Variants in SARM1 observed in about 807,000 individuals in gnomAD.
SARM1 encodes the protein NAD(+) hydrolase SARM1.
Under a neutral mutation model 65.1 loss-of-function variants are expected in SARM1, and 60 were observed. The ratio of observed to expected loss-of-function variants is 0.92; its 90% CI spans 0.75 to 1.14. SARM1 has a LOEUF of 1.14. Among genes scored for constraint, SARM1 ranks in the 50% most tolerant of loss-of-function variants. The pLI is 0.00. For synonymous variants in SARM1, 417 were observed against 465.4 expected, an observed-to-expected ratio of 0.90 and a Z score of 1.34; for missense variants, 913 against 1,015.7, an observed-to-expected ratio of 0.90 and a Z score of 1.37.
chr17:28,373,363 G>A (rs1269059753), intron 1 of SARM1: 1 of 152,282 alleles, frequency 6.6e-6, no homozygotes, highest in African/African-American at 2.4e-5. Context: ...CCAGTCTCAT[G>A]CTGAAGTCTC....
chr17:28,379,643 G>C (rs1271276953), intron 1 of SARM1, among the ~76,000 whole-genome samples: 2 of 152,098 alleles, frequency 1.3e-5, no homozygotes, highest in African/African-American at 2.4e-5. Flanking sequence ...GACAGATAAG[G>C]TTTCTGGTCT....
chr17:28,396,361 A>G lies in SARM1; in HGVS notation c.*75A>G. 6.3e-7 allele frequency: 1 copy of G among 1,579,990 alleles called. No homozygotes were observed. Among genetic ancestry groups the G allele is most frequent in the Non-Finnish European group, 8.7e-7 (1 of 1,155,336 alleles). ...TTCTGAAGGAACAGCTCCTGAAACC[A>G]GTCTCCCTGGGCTGAGACAACCTGG... On this transcript the variant is annotated 3_prime_UTR_variant, in exon 9 of 9. Transcript: ENST00000585482.
Position 28,384,925 on chromosome 17 carries a change from C to T in SARM1, c.1389C>T (p.Arg463=). Residue 463 remains arginine (R), a synonymous_variant, in exon 4 of 9, where the codon CGC becomes CGT. Coordinates refer to ENST00000585482, the MANE Select transcript of SARM1 (RefSeq NM_015077.4). This position sits in a 1 kb window ranked among gnomAD's most constrained non-coding sequence, Gnocchi z 4.4. ...TDLGMKSGIT[R]KRFFRELTEL... Reference sequence around the variant, plus strand: ...TGGGCATGAAATCGGGCATCACCCGCAAGAGGTACGGAGCCTCCTGCCCGC... The same window carrying T: ...TGGGCATGAAATCGGGCATCACCCGTAAGAGGTACGGAGCCTCCTGCCCGC... 1.3e-6 allele frequency: 2 copies of T among 1,568,174 alleles called. No individual in the cohort carries two copies. The highest frequency in any genetic ancestry group is 1.7e-6 in the Non-Finnish European group (2 of 1,156,582).
At position 28,403,097 on chromosome 17, in the gene SARM1, G is replaced by A. The variant is rs1413006575; in HGVS notation, c.*6811G>A. 3 of 152,332 alleles carry A rather than the reference G, an allele frequency of 2.0e-5. No homozygotes were observed. Among genetic ancestry groups the A allele is most frequent in the Non-Finnish European group, 2.9e-5 (2 of 68,118 alleles). 9.4% of individuals were successfully genotyped at this position (152,332 alleles called of 1,614,324 possible). A position where few individuals can be genotyped will look rare whatever the true frequency, so the allele number is the denominator to read the frequency against. On this transcript the variant is annotated 3_prime_UTR_variant, in exon 9 of 9. Coordinates refer to ENST00000585482, the MANE Select transcript of SARM1 (RefSeq NM_015077.4). ...CAGCCCCAGAAGCTGGAAGAAATGA[G>A]AAACACGTTCTCTCCTGGAGGCTTG...
Position 28,399,925 on chromosome 17 carries a change from G to A in SARM1, c.*3639G>A. The A allele has an allele frequency of 1.8e-6, 1 of 555,094 alleles. No homozygotes were observed. The highest frequency in any genetic ancestry group is 2.0e-5 in the South Asian group (1 of 49,766). The allele number at this position is 555,094 out of a possible 1,614,324, so 34.4% of individuals were successfully genotyped here. On this transcript the variant is annotated 3_prime_UTR_variant, in exon 9 of 9. Coordinates refer to ENST00000585482, the MANE Select transcript of SARM1 (RefSeq NM_015077.4). ...TTTTTTTTTTAAGAGACAGGGTCTT[G>A]CTCTGTTGTCCAGGCTGGAGGGCAG...
At position 28,381,397 on chromosome 17, in the gene SARM1, T is replaced by TGGC; in HGVS notation, c.666_667insGCG (p.Leu222_Leu223insAla). 6.4e-7 allele frequency: 1 copy of TGGC among 1,554,474 alleles called. No homozygotes were observed. Among genetic ancestry groups the TGGC allele is most frequent in the Non-Finnish European group, 8.7e-7 (1 of 1,149,858 alleles). Reference sequence around the variant, plus strand: ...TGGTGCCGCCGCACGGACCCCGCGCTGCTGCGCCACTGCGCGCTGGCGCTG... The same window carrying TGGC: ...TGGTGCCGCCGCACGGACCCCGCGCTGGCGCTGCGCCACTGCGCGCTGGCGCTG... On this transcript the variant is annotated inframe_insertion, in exon 2 of 9. Transcript: ENST00000585482.
At position 28,384,953 on chromosome 17, in the gene SARM1, G is replaced by A; in HGVS notation, c.1394+23G>A. The A allele has an allele frequency of 6.3e-7, 1 of 1,578,858 alleles. No homozygotes were observed. The highest frequency in any genetic ancestry group is 8.6e-7 in the Non-Finnish European group (1 of 1,162,156). On this transcript the variant is annotated intron_variant, in intron 4 of 8. Coordinates refer to ENST00000585482, the MANE Select transcript of SARM1 (RefSeq NM_015077.4). The surrounding 1 kb of genome is among the most constrained non-coding windows in gnomAD (Gnocchi z 4.4). ...GAGGTACGGAGCCTCCTGCCCGCCG[G>A]ACCCCAGCTAGGTCTAAATAAGCTC...
chr17:28,393,583 GAAAA>G, intron 7 of SARM1, among the ~76,000 whole-genome samples: 1 of 151,650 alleles, frequency 6.6e-6, no homozygotes, highest in Admixed American at 6.6e-5. Flanking sequence ...AAGAAAGAAA[GAAAA>G]GAGAAAACAG....
rs538665060 is a variant in SARM1, at chr17:28,372,193, C to T, written c.161C>T (p.Ser54Leu). 2 of 1,366,152 alleles carry T rather than the reference C, an allele frequency of 1.5e-6. No individual in the cohort carries two copies. The highest frequency in any genetic ancestry group is 1.8e-5 in the South Asian group (1 of 56,114). 84.6% of individuals were successfully genotyped at this position (1,366,152 alleles called of 1,614,324 possible). A position where few individuals can be genotyped will look rare whatever the true frequency, so the allele number is the denominator to read the frequency against. Reference sequence around the variant, plus strand: ...GGTGGCCGCGGGCCCCGCGAAGTGTCGCCGGGGGCAGGCACCGAGGTGCAG... The same window carrying T: ...GGTGGCCGCGGGCCCCGCGAAGTGTTGCCGGGGGCAGGCACCGAGGTGCAG... ...AAGGRGPREV[S>L]PGAGTEVQDA... Residue 54 changes from serine (S) to leucine (L), a missense_variant, in exon 1 of 9, where the codon TCG (serine) becomes TTG (leucine). Coordinates refer to ENST00000585482, the MANE Select transcript of SARM1 (RefSeq NM_015077.4). The surrounding 1 kb of genome is among the most constrained non-coding windows in gnomAD (Gnocchi z 5.2).
rs1443360688 is a variant in SARM1 at position 28,398,394 on chromosome 17, C to T, written c.*2108C>T. On this transcript the variant is annotated 3_prime_UTR_variant, in exon 9 of 9. Coordinates refer to ENST00000585482, the MANE Select transcript of SARM1 (RefSeq NM_015077.4). Reference sequence around the variant, plus strand: ...TGGAACAGCTGAAGTCACAAGCCTCCTCTAAGCCAAGGCCAGTGTGTTCAG... The same window carrying T: ...TGGAACAGCTGAAGTCACAAGCCTCTTCTAAGCCAAGGCCAGTGTGTTCAG... 6.6e-6 allele frequency: 1 copy of T among 152,364 alleles called. No individual in the cohort carries two copies. 9.4% of individuals were successfully genotyped at this position (152,364 alleles called of 1,614,324 possible). A position where few individuals can be genotyped will look rare whatever the true frequency, so the allele number is the denominator to read the frequency against.
At position 28,385,108 on chromosome 17, in the gene SARM1, C is replaced by T. The variant is rs782228906; in HGVS notation, c.1463C>T (p.Ala488Val). 1.3e-5 allele frequency: 21 copies of T among 1,613,798 alleles called. No homozygotes were observed. The highest frequency in any genetic ancestry group is 1.7e-5 in the Non-Finnish European group (20 of 1,179,874). Residue 488 changes from alanine to valine, a missense_variant, in exon 5 of 9, where the codon GCG (alanine) becomes GTG (valine). Ala to Val is a moderately conservative substitution (Grantham distance 64). Around this residue, in one of 3 missense-constraint regions of SARM1, gnomAD observed 862 missense variants for 952.1 expected, o/e 0.91. Coordinates refer to ENST00000585482, the MANE Select transcript of SARM1 (RefSeq NM_015077.4). This position sits in a 1 kb window ranked among gnomAD's most constrained non-coding sequence, Gnocchi z 4.5. ...NYSTCDRSNL[A>V]DWLGSLDPRF... Reference sequence around the variant, plus strand: ...TCTACGTGCGACCGCAGCAACCTGGCGGACTGGCTGGGCAGCCTGGACCCG... The same window carrying T: ...TCTACGTGCGACCGCAGCAACCTGGTGGACTGGCTGGGCAGCCTGGACCCG...
At position 28,384,672 on chromosome 17, in the gene SARM1, T is replaced by C. The variant is rs2068041113; in HGVS notation, c.1302+103T>C. On this transcript the variant is annotated intron_variant, in intron 3 of 8. Coordinates refer to ENST00000585482, the MANE Select transcript of SARM1 (RefSeq NM_015077.4). The surrounding 1 kb of genome is among the most constrained non-coding windows in gnomAD (Gnocchi z 4.4). ...CGCAATCCCGCGGCGCCAGGGTCGC[T>C]TTTGGGGGCGGGGAGCCTGTACGCA... is the stretch of plus-strand genomic sequence containing the variant. 2.3e-6 allele frequency: 3 copies of C among 1,290,602 alleles called. No homozygotes were observed. The highest frequency in any genetic ancestry group is 3.2e-6 in the Non-Finnish European group (3 of 942,036). The allele number at this position is 1,290,602 out of a possible 1,614,324, so 79.9% of individuals were successfully genotyped here. A position where few individuals can be genotyped will look rare whatever the true frequency, so the allele number is the denominator to read the frequency against.
chr17:28,384,776 C>G lies in SARM1; in HGVS notation c.1303-63C>G, dbSNP rs1180484493. The G allele has an allele frequency of 4.1e-6, 6 of 1,450,562 alleles. No homozygotes were observed. The highest frequency in any genetic ancestry group is 4.7e-6 in the Non-Finnish European group (5 of 1,055,060). 89.9% of individuals were successfully genotyped at this position (1,450,562 alleles called of 1,614,324 possible). A position where few individuals can be genotyped will look rare whatever the true frequency, so the allele number is the denominator to read the frequency against. On this transcript the variant is annotated intron_variant, in intron 3 of 8. Coordinates refer to ENST00000585482, the MANE Select transcript of SARM1 (RefSeq NM_015077.4). The surrounding 1 kb of genome is among the most constrained non-coding windows in gnomAD (Gnocchi z 4.4). ...CCATCTCCAGTTCCTTCCCTTGCAT[C>G]TTGTGCTCGAGGTCCAAGGGCGGAG...
At chr17:28,373,818 C>T (rs1213207913) in intron 1 of SARM1, 1 of 152,198 alleles carries the variant, frequency 6.6e-6, no homozygotes, top group African/African-American at 2.4e-5. Flanking sequence ...ACTGCTATAT[C>T]TCAAGGTTAA....
At position 28,396,287 on chromosome 17, in the gene SARM1, C is replaced by T. The variant is rs374297439; in HGVS notation, c.*1C>T. 6.2e-7 allele frequency: 1 copy of T among 1,613,902 alleles called. No homozygotes were observed. Among genetic ancestry groups the T allele is most frequent in the Non-Finnish European group, 8.5e-7 (1 of 1,179,844 alleles). On this transcript the variant is annotated 3_prime_UTR_variant, in exon 9 of 9. Transcript: ENST00000585482. ...TGCTGCACCCATGGGTCCAACCTAA[C>T]CAGTCCCCAGTTCCCCAGCCCTGCT...
intron 7 of SARM1, among the ~76,000 whole-genome samples, chr17:28,394,243 G>C (rs962710281): frequency 1.2e-4 from 19 of 152,248 alleles, no homozygotes; most frequent in African/African-American, 4.6e-4. Flanking sequence ...GAGTGAATTA[G>C]AGAAGACAAG....
chr17:28,400,504 GGT>G lies in SARM1; in HGVS notation c.*4219_*4220del. On this transcript the variant is annotated 3_prime_UTR_variant, in exon 9 of 9. Transcript: ENST00000585482. Reference sequence around the variant, plus strand: ...GCAACCTGGGACAAGACACCCAGAGGGTAAGGATTCCAGGAATGAAGCTGCCA... The same window carrying G: ...GCAACCTGGGACAAGACACCCAGAGGAAGGATTCCAGGAATGAAGCTGCCA... 6.8e-7 allele frequency: 1 copy of G among 1,467,806 alleles called. No individual in the cohort carries two copies. 90.9% of individuals were successfully genotyped at this position (1,467,806 alleles called of 1,614,324 possible).
At chr17:28,379,385 A>C (rs1242298260) in intron 1 of SARM1, among the ~76,000 whole-genome samples, 1 of 127,878 alleles carries the variant, frequency 7.8e-6, no homozygotes, top group African/African-American at 3.1e-5. Flanking sequence ...ATCTTGGCTC[A>C]CTGCAAGCTC....
intron 1 of SARM1, among the ~76,000 whole-genome samples, chr17:28,375,253 G>A (rs2142423323): frequency 6.6e-6 from 1 of 152,280 alleles, no homozygotes; most frequent in East Asian, 1.9e-4. Context: ...GTAGTTAAAT[G>A]GCTTTCCCAG....
Sources: allele counts gnomAD v4.1 joint callset (sites outside exome capture counted in the v4.1 genomes callset), GRCh38; gene constraint gnomAD v4.1.1; regional missense constraint gnomAD v4.1.1; non-coding constraint Gnocchi (gnomAD v3.1); transcripts MANE v1.5; gene names NCBI Gene and HGNC (gene_info 2026-07-23, HGNC 2026-07-21).